Variants in SULF2 observed in about 807,000 individuals in gnomAD.
SULF2 encodes the protein sulfatase 2.
Under a neutral mutation model 107.7 loss-of-function variants are expected in SULF2, and 52 were observed. The ratio of observed to expected loss-of-function variants is 0.48; its 90% CI spans 0.39 to 0.61. The LOEUF (loss-of-function observed/expected upper bound fraction) is 0.61. Among genes scored for constraint, SULF2 ranks in the 20% least tolerant of loss-of-function variants. The probability of loss-of-function intolerance (pLI) is 0.00; values close to 1 mark genes in which losing one functional copy is unlikely to be tolerated. For synonymous variants in SULF2, 460 were observed against 464.3 expected (o/e 0.99, Z 0.12); for missense variants, 993 against 1,177.3 (o/e 0.84, Z 2.29).
chr20:47,702,699 C>A (rs773472263), intron 3 of SULF2, 29 bp from the exon 4 acceptor site: 5 of 1,610,102 alleles, frequency 3.1e-6, no homozygotes, highest in Non-Finnish European at 3.4e-6. Context: ...CAGGAGGCCA[C>A]GTGAGAAAGT....
chr20:47,744,953 AC>A (rs2089972715), intron 2 of SULF2, among the ~76,000 whole-genome samples: 1 of 152,156 alleles, frequency 6.6e-6, no homozygotes, highest in Non-Finnish European at 1.5e-5. Flanking sequence ...TGTATAACAC[AC>A]ACACAAACAG....
intron 1 of SULF2, among the ~76,000 whole-genome samples, chr20:47,783,909 A>C (rs2090875396): frequency 6.6e-6 from 1 of 152,168 alleles, no homozygotes; most frequent in African/African-American, 2.4e-5. Flanking sequence ...TGGGGAGAAC[A>C]TCTCTTACAG....
At chr20:47,667,563 G>C (rs531475825) in intron 11 of SULF2, among the ~76,000 whole-genome samples, 1 of 152,306 alleles carries the variant, frequency 6.6e-6, no homozygotes, top group South Asian at 2.1e-4. Context: ...TGGTCAGGAC[G>C]GGCCGGGGAT....
At chr20:47,695,677 T>C (rs2088350971) in intron 4 of SULF2, among the ~76,000 whole-genome samples, 1 of 152,156 alleles carries the variant, frequency 6.6e-6, no homozygotes, top group Non-Finnish European at 1.5e-5. Context: ...GCAGTGGTGC[T>C]ACCTGGGCTC....
intron 3 of SULF2, among the ~76,000 whole-genome samples, chr20:47,713,707 G>A (rs1366692950): frequency 6.6e-6 from 1 of 151,708 alleles, no homozygotes; most frequent in African/African-American, 2.4e-5. Flanking sequence ...CCATGATTGT[G>A]CCACTGCACT....
At chr20:47,671,338 A>T (rs1025552372) in intron 11 of SULF2, among the ~76,000 whole-genome samples, 6 of 151,932 alleles carry the variant, frequency 3.9e-5, no homozygotes, top group Non-Finnish European at 8.8e-5. Flanking sequence ...ACCGAGTCTC[A>T]CTCTGTCGCC....
At chr20:47,773,706 A>G (rs2090673438) in intron 1 of SULF2, among the ~76,000 whole-genome samples, 1 of 152,288 alleles carries the variant, frequency 6.6e-6, no homozygotes, top group Non-Finnish European at 1.5e-5. Context: ...GCCTTTGGCC[A>G]AAAGCAATAA....
At chr20:47,670,920 T>G (rs2087448556) in intron 11 of SULF2, among the ~76,000 whole-genome samples, 1 of 152,102 alleles carries the variant, frequency 6.6e-6, no homozygotes, top group Admixed American at 6.5e-5. Flanking sequence ...CTCATTAGGC[T>G]TTGGCTGTCC....
intron 19 of SULF2, 62 bp downstream of exon 19, chr20:47,659,635 A>G (rs1409326589): frequency 4.1e-6 from 6 of 1,476,784 alleles, no homozygotes; most frequent in Non-Finnish European, 5.7e-6. Context: ...CACAGAGATG[A>G]GACTGAAGGA....
At chr20:47,717,300 G>A (rs1268089657) in intron 3 of SULF2, among the ~76,000 whole-genome samples, 1 of 152,188 alleles carries the variant, frequency 6.6e-6, no homozygotes, top group African/African-American at 2.4e-5. Flanking sequence ...GAGGCACAGA[G>A]AGGCAAAGTC....
chr20:47,699,853 G>C (rs1020350621), intron 4 of SULF2, among the ~76,000 whole-genome samples: 1 of 152,210 alleles, frequency 6.6e-6, no homozygotes, highest in African/African-American at 2.4e-5. Context: ...GGCCTGATCT[G>C]CCCCTTTTGG....
upstream of SULF2, chr20:47,785,733 G>A (rs2090920867): frequency 6.8e-6 from 1 of 147,466 alleles, no homozygotes; most frequent in South Asian, 2.1e-4. Flanking sequence ...GCGCTCCGGG[G>A]CGGGGAGCGT....
chr20:47,785,673 T>G (rs2090919515), upstream of SULF2, among the ~76,000 whole-genome samples: 1 of 146,180 alleles, frequency 6.8e-6, no homozygotes. Flanking sequence ...GGCACGGCGC[T>G]ACCGCCCCCC....
At chr20:47,752,218 G>A (rs542510385) in intron 2 of SULF2, among the ~76,000 whole-genome samples, 1 of 152,318 alleles carries the variant, frequency 6.6e-6, no homozygotes, top group East Asian at 1.9e-4. Context: ...ACCCAAGTGA[G>A]AGCAAACTGT....
intron 3 of SULF2, chr20:47,706,997 A>T (rs999613451): frequency 7.2e-5 from 11 of 152,034 alleles, no homozygotes; most frequent in Admixed American, 6.6e-4. Flanking sequence ...TATTATTATT[A>T]TTATTTTTTG....
chr20:47,719,765 CA>C (rs982236774), intron 3 of SULF2, among the ~76,000 whole-genome samples: 9 of 152,238 alleles, frequency 5.9e-5, no homozygotes, highest in Non-Finnish European at 1.0e-4. Context: ...GTCTCTATTG[CA>C]ATGATTCAAT....
intron 2 of SULF2, among the ~76,000 whole-genome samples, chr20:47,743,906 T>C (rs2089947641): frequency 6.6e-6 from 1 of 152,212 alleles, no homozygotes; most frequent in Non-Finnish European, 1.5e-5. Flanking sequence ...CAGTCCCTCA[T>C]TGCCTTCAGG....
intron 2 of SULF2, among the ~76,000 whole-genome samples, chr20:47,751,040 C>T (rs948797710): frequency 1.8e-4 from 28 of 152,204 alleles, no homozygotes; most frequent in Non-Finnish European, 3.8e-4. Context: ...ACTTTCTGCT[C>T]TTTTATGTAC....
intron 2 of SULF2, among the ~76,000 whole-genome samples, chr20:47,746,528 T>G (rs2090039010): frequency 1.3e-5 from 2 of 152,130 alleles, no homozygotes; most frequent in Admixed American, 1.3e-4. Context: ...AGGCAACACC[T>G]GCTAATGGGC....
Sources: allele counts gnomAD v4.1 joint callset (sites outside exome capture counted in the v4.1 genomes callset), GRCh38; gene constraint gnomAD v4.1.1; transcripts MANE v1.5; gene names NCBI Gene and HGNC (gene_info 2026-07-23, HGNC 2026-07-21).